The following TBC1D22A variants were observed in gnomAD, a reference collection of about 807,000 sequenced individuals.
TBC1D22A encodes TBC1 domain family member 22A, also known as putative GTPase activator.
In TBC1D22A, 38 loss-of-function variants were observed where a neutral mutation model predicts 60.2. That is an observed-to-expected ratio of 0.63 (90% confidence interval 0.49 to 0.83). The LOEUF (loss-of-function observed/expected upper bound fraction) is 0.83, where lower values mean the gene tolerates loss of function less well. TBC1D22A is among the 40% of genes least tolerant of loss of function. The probability of loss-of-function intolerance (pLI) is 0.00; values close to 1 mark genes in which losing one functional copy is unlikely to be tolerated. For missense variants in TBC1D22A, 628 were observed against 701.0 expected, an observed-to-expected ratio of 0.90 and a Z score of 1.18; for synonymous variants, 302 against 281.7, an observed-to-expected ratio of 1.07 and a Z score of -0.72.
chr22:47,002,081 A>G (rs1456087894), intron 10 of TBC1D22A, among the ~76,000 whole-genome samples: 6 of 152,254 alleles, frequency 3.9e-5, no homozygotes, highest in Non-Finnish European at 1.5e-5. Context: ...TGTATATAAA[A>G]TCAACAGTTC....
chr22:46,909,105 C>T (rs1050895672), intron 7 of TBC1D22A, among the ~76,000 whole-genome samples: 1 of 152,118 alleles, frequency 6.6e-6, no homozygotes, highest in Non-Finnish European at 1.5e-5. Context: ...GTCCTATTTG[C>T]CAAATTGGTT....
intron 11 of TBC1D22A, among the ~76,000 whole-genome samples, chr22:47,084,698 C>T (rs1293889546): frequency 2.0e-5 from 3 of 152,096 alleles, no homozygotes; most frequent in Non-Finnish European, 2.9e-5. Flanking sequence ...TGCAGCTACA[C>T]GAAGTAATGT....
At chr22:47,022,317 G>A (rs560476006) in intron 10 of TBC1D22A, among the ~76,000 whole-genome samples, 22 of 152,274 alleles carry the variant, frequency 1.4e-4, no homozygotes, top group South Asian at 1.0e-3. Flanking sequence ...TAAGGCAGCC[G>A]GGCCATCCCT....
chr22:47,091,127 G>A (rs534465129), intron 11 of TBC1D22A, among the ~76,000 whole-genome samples: 3 of 145,724 alleles, frequency 2.1e-5, no homozygotes, highest in Middle Eastern at 4.1e-3. Flanking sequence ...GAGTGGCCTC[G>A]GGGAGGGGGT....
chr22:46,894,355 T>G (rs994693112), intron 6 of TBC1D22A, among the ~76,000 whole-genome samples: 1 of 152,188 alleles, frequency 6.6e-6, no homozygotes, highest in African/African-American at 2.4e-5. Flanking sequence ...CCCCCAGGAC[T>G]TCATAAAGTG....
chr22:47,094,550 G>A (rs929708749), intron 11 of TBC1D22A, among the ~76,000 whole-genome samples: 2 of 152,320 alleles, frequency 1.3e-5, no homozygotes, highest in East Asian at 3.9e-4. Context: ...AATGGCATGA[G>A]CCAAGTCCCT....
intron 4 of TBC1D22A, among the ~76,000 whole-genome samples, chr22:46,826,588 C>G (rs6008979): frequency 6.6e-6 from 1 of 152,050 alleles, no homozygotes; most frequent in Non-Finnish European, 1.5e-5. Flanking sequence ...TCCTGGTGTC[C>G]TGGAAGGTGG....
chr22:46,939,055 A>C (rs2071829403), intron 8 of TBC1D22A, among the ~76,000 whole-genome samples: 1 of 117,262 alleles, frequency 8.5e-6, no homozygotes, highest in Non-Finnish European at 1.8e-5. Context: ...GTGTGAAAAC[A>C]ATCTGGAGAC....
chr22:47,017,557 C>G (rs1238168650), intron 10 of TBC1D22A, among the ~76,000 whole-genome samples: 1 of 152,142 alleles, frequency 6.6e-6, no homozygotes, highest in Non-Finnish European at 1.5e-5. Flanking sequence ...TCTGCCCTCC[C>G]TCGGATCCTG....
chr22:47,004,001 C>T (rs1037974133), intron 10 of TBC1D22A, among the ~76,000 whole-genome samples: 3 of 150,122 alleles, frequency 2.0e-5, no homozygotes, highest in Admixed American at 2.0e-4. Flanking sequence ...TGTATACACA[C>T]ACCCTACGCA....
chr22:47,078,057 A>G (rs1338874666), intron 11 of TBC1D22A, among the ~76,000 whole-genome samples: 1 of 152,198 alleles, frequency 6.6e-6, no homozygotes, highest in East Asian at 1.9e-4. Context: ...ATACATGCCC[A>G]TCTGTTACAG....
intron 10 of TBC1D22A, among the ~76,000 whole-genome samples, chr22:46,999,837 A>T (rs1026612352): frequency 2.0e-5 from 3 of 151,984 alleles, no homozygotes; most frequent in Admixed American, 2.0e-4. Flanking sequence ...CATCCTGGTT[A>T]ACATGGTGAA....
intron 10 of TBC1D22A, among the ~76,000 whole-genome samples, chr22:47,016,786 A>G (rs760689844): frequency 1.6e-4 from 24 of 152,138 alleles, no homozygotes; most frequent in Admixed American, 1.2e-3. Flanking sequence ...CGCGGATGTC[A>G]TCGTGTCTCT....
chr22:47,073,503 A>G lies in TBC1D22A; in HGVS notation c.1329+36305A>G, dbSNP rs1422675988. ...TGCCAGCATGCTGAGGCTGCGGGGAAAAACCATGAAGCCTCATAAATATAT... is the reference window on the plus strand; with the variant it reads ...TGCCAGCATGCTGAGGCTGCGGGGAGAAACCATGAAGCCTCATAAATATAT... On this transcript the variant is annotated intron_variant, in intron 11 of 12. Coordinates refer to ENST00000337137, the MANE Select transcript of TBC1D22A (RefSeq NM_014346.5). Among the ~76,000 whole-genome samples, 3 of 152,178 alleles carry G rather than the reference A, an allele frequency of 2.0e-5. No individual in the cohort carries two copies. The East Asian group carries it at 5.8e-4, about 29-fold the overall frequency.
chr22:46,993,099 G>T (rs960058460), intron 9 of TBC1D22A, among the ~76,000 whole-genome samples: 2 of 152,196 alleles, frequency 1.3e-5, no homozygotes, highest in Admixed American at 6.5e-5. Flanking sequence ...TAACTTCTCC[G>T]TGAGCTGGCA....
intron 11 of TBC1D22A, among the ~76,000 whole-genome samples, chr22:47,051,547 T>C (rs1305373929): frequency 6.6e-6 from 1 of 152,124 alleles, no homozygotes; most frequent in Non-Finnish European, 1.5e-5. Flanking sequence ...AAAACGCCCT[T>C]CCGGTGGAGG....
intron 1 of TBC1D22A, chr22:46,774,124 T>A: frequency 6.1e-6 from 6 of 985,680 alleles, no homozygotes; most frequent in Non-Finnish European, 7.2e-6. Context: ...TGCTGCCTGC[T>A]GGGCCTGCCT....
chr22:47,122,773 A>G (rs1046438308), intron 12 of TBC1D22A, among the ~76,000 whole-genome samples: 1 of 152,332 alleles, frequency 6.6e-6, no homozygotes, highest in Admixed American at 6.5e-5. Flanking sequence ...GCGGCGAGGC[A>G]TCCCTCCTCA....
intron 10 of TBC1D22A, 27 bp downstream of exon 10, chr22:46,997,736 C>T (rs747309294): frequency 3.7e-6 from 6 of 1,610,250 alleles, no homozygotes; most frequent in Non-Finnish European, 5.1e-6. Context: ...CGCAGCCCCT[C>T]TCTGTGGGCG....
Sources: allele counts gnomAD v4.1 joint callset (sites outside exome capture counted in the v4.1 genomes callset), GRCh38; gene constraint gnomAD v4.1.1; transcripts MANE v1.5; gene names NCBI Gene and HGNC (gene_info 2026-07-23, HGNC 2026-07-21).